HOOK1: variants seen among roughly 807,000 people sequenced by gnomAD.
HOOK1 encodes the protein hook microtubule tethering protein 1.
In HOOK1, 60 loss-of-function variants were observed where a neutral mutation model predicts 112.8. That is an observed-to-expected ratio of 0.53 (90% confidence interval 0.43 to 0.66). The LOEUF is 0.66. Ranked by LOEUF, HOOK1 falls within the 30% of genes least tolerant of loss-of-function variation. The pLI is 0.00. For missense variants in HOOK1, 770 were observed against 856.0 expected (o/e 0.90, Z 1.25); for synonymous variants, 294 against 283.8 (o/e 1.04, Z -0.36).
At chr1:59,833,574 C>G (rs1437570356) in intron 5 of HOOK1, 37 bp downstream of exon 5, 2 of 1,483,030 alleles carry the variant, frequency 1.3e-6, no homozygotes, top group South Asian at 2.8e-5. Context: ...TTTCTACTTT[C>G]TAGAAACTTT....
chr1:59,864,836 C>CTA, intron 17 of HOOK1, 170 bp downstream of exon 17: 1 of 578,708 alleles, frequency 1.7e-6, no homozygotes, highest in Non-Finnish European at 3.1e-6. Context: ...CCCTACTACC[C>CTA]CCGTTCCAAA....
intron 3 of HOOK1, among the ~76,000 whole-genome samples, chr1:59,829,113 A>G (rs1574181366): frequency 6.6e-6 from 1 of 152,038 alleles, no homozygotes; most frequent in African/African-American, 2.4e-5. Context: ...GATCTGTTTT[A>G]TGTTACTATG....
At chr1:59,849,397 A>G (rs190795274) in intron 12 of HOOK1, among the ~76,000 whole-genome samples, 4 of 151,682 alleles carry the variant, frequency 2.6e-5, no homozygotes, top group African/African-American at 9.6e-5. Context: ...AGCCAAGGTC[A>G]TAAGTCTCAA....
At chr1:59,845,059 T>C (rs1400594070) in intron 9 of HOOK1, among the ~76,000 whole-genome samples, 1 of 151,964 alleles carries the variant, frequency 6.6e-6, no homozygotes, top group Non-Finnish European at 1.5e-5. Flanking sequence ...GGGTAATTTA[T>C]GAACAAATCT....
At chr1:59,844,302 C>T (rs1265949011) in intron 9 of HOOK1, among the ~76,000 whole-genome samples, 1 of 151,946 alleles carries the variant, frequency 6.6e-6, no homozygotes, top group Admixed American at 6.6e-5. Flanking sequence ...GAAAGTTGGA[C>T]ACATGTCTCT....
In HOOK1 at chr1:59,863,400, C is replaced by T. The variant is rs558271818; in HGVS notation, c.1626+523C>T. ...AACTTTAATGCAGCCTTGGAGGCAT[C>T]ACTCATTTCTTTCTCCTTCCTTAAT... On this transcript the variant is annotated intron_variant, in intron 16 of 21. Transcript: ENST00000371208. Among the ~76,000 whole-genome samples, 134 of 152,274 alleles carry T rather than the reference C, an allele frequency of 8.8e-4. 2 individuals are homozygous for T. The South Asian group carries it at 0.027, about 30-fold the overall frequency.
chr1:59,864,805 A>C (rs933208461), intron 17 of HOOK1, 139 bp downstream of exon 17: 4 of 621,994 alleles, frequency 6.4e-6, no homozygotes, highest in East Asian at 2.8e-5. Context: ...AAAAGTGAAA[A>C]GCATGCTAAA....
chr1:59,854,524 A>G (rs2098409507), intron 12 of HOOK1, among the ~76,000 whole-genome samples: 1 of 151,928 alleles, frequency 6.6e-6, no homozygotes, highest in South Asian at 2.1e-4. Flanking sequence ...TCTTGGAAAA[A>G]TTTCAGTTCA....
chr1:59,842,922 A>T (rs1265494747), intron 8 of HOOK1, among the ~76,000 whole-genome samples: 1 of 152,082 alleles, frequency 6.6e-6, no homozygotes, highest in East Asian at 1.9e-4. Context: ...GTACAAATGG[A>T]AACAGCTTAG....
intron 6 of HOOK1, among the ~76,000 whole-genome samples, chr1:59,836,249 T>C (rs772645610): frequency 3.9e-5 from 6 of 152,024 alleles, no homozygotes; most frequent in Non-Finnish European, 8.8e-5. Flanking sequence ...TGGTGCAGAG[T>C]TGATTCTTAA....
At chr1:59,858,340 T>C in intron 12 of HOOK1, 88 bp from the exon 13 acceptor site, 1 of 837,370 alleles carries the variant, frequency 1.2e-6, no homozygotes, top group South Asian at 1.5e-5. Flanking sequence ...GCAACAATTA[T>C]TAAACTAGTT....
intron 13 of HOOK1, 68 bp from the exon 14 acceptor site, chr1:59,858,917 G>T (rs2098412095): frequency 1.0e-5 from 7 of 701,376 alleles, no homozygotes; most frequent in Non-Finnish European, 1.6e-5. Context: ...GGGAGGGGGG[G>T]AAGGAGGGAG....
intron 1 of HOOK1, among the ~76,000 whole-genome samples, chr1:59,816,311 A>C (rs1376739322): frequency 6.6e-6 from 1 of 152,202 alleles, no homozygotes; most frequent in African/African-American, 2.4e-5. Flanking sequence ...GTGGAATGCA[A>C]ATATTTAGGG....
chr1:59,828,904 T>C, intron 3 of HOOK1, 52 bp downstream of exon 3: 1 of 1,370,600 alleles, frequency 7.3e-7, no homozygotes, highest in Non-Finnish European at 1.0e-6. Flanking sequence ...GTCCTAAAGT[T>C]AGCACTAAGT....
chr1:59,865,959 A>C lies in HOOK1; in HGVS notation c.1832A>C (p.Glu611Ala), dbSNP rs1286298387. 6.4e-7 allele frequency: 1 copy of C among 1,573,526 alleles called. No individual in the cohort carries two copies. The highest frequency in any genetic ancestry group is 1.4e-5 in the African/African-American group (1 of 73,452). The change falls in exon 19 of 22, where the codon GAG becomes GCG. Residue 611 changes from glutamate to alanine, a missense_variant. Transcript: ENST00000371208. ...GAGGAAAGATATAAAATGTACTTGG[A>C]GAAAGCCAGAAATGTGAGTGACTTA... ...AMEERYKMYL[E>A]KARNVIKTLD...
rs1291376962 is a variant in HOOK1, at chr1:59,847,159, C to G, written c.903C>G (p.Ala301=). The part of the protein sequence containing the change: ...ELTSLAEETR[A]LKDEIDVLRA... ...CTAGTCTTGCAGAAGAAACAAGAGC[C>G]CTGAAAGATGAAATAGATGTTCTTA... Residue 301 remains alanine (A), a synonymous_variant, in exon 10 of 22, where the codon GCC becomes GCG. Coordinates refer to ENST00000371208, the MANE Select transcript of HOOK1 (RefSeq NM_015888.6). 1.9e-6 allele frequency: 3 copies of G among 1,601,816 alleles called. No homozygotes were observed. In the African/African-American group the frequency reaches 4.1e-5, roughly 22 times the overall value.
chr1:59,826,221 CCTTT>C (rs1455683209), intron 2 of HOOK1, among the ~76,000 whole-genome samples: 2 of 151,886 alleles, frequency 1.3e-5, no homozygotes, highest in African/African-American at 2.4e-5. Flanking sequence ...TCCTGTGTCC[CCTTT>C]CTTATTTGAT....
chr1:59,844,632 A>T, intron 9 of HOOK1, among the ~76,000 whole-genome samples: 1 of 151,968 alleles, frequency 6.6e-6, no homozygotes, highest in South Asian at 2.1e-4. Flanking sequence ...TCTACTAAAA[A>T]CCTTTTCAGG....
chr1:59,842,098 C>T (rs975585217), intron 8 of HOOK1, among the ~76,000 whole-genome samples: 1 of 152,010 alleles, frequency 6.6e-6, no homozygotes, highest in African/African-American at 2.4e-5. Flanking sequence ...TAAAATTTGC[C>T]CTTGGTCCTA....
Sources: gnomAD v4.1 joint callset for allele counts (sites outside exome capture counted in the v4.1 genomes callset) on GRCh38, gnomAD v4.1.1 for gene constraint, MANE v1.5 for transcripts, NCBI Gene and HGNC (gene_info 2026-07-23, HGNC 2026-07-21) for gene names.